The following ADK variants were observed in gnomAD, a reference collection of about 807,000 sequenced individuals.
ADK encodes the protein adenosine kinase.
Under a neutral mutation model 44.7 loss-of-function variants are expected in ADK, and 24 were observed. The observed-to-expected ratio is 0.54, with a 90% CI of 0.39 to 0.76. The LOEUF (loss-of-function observed/expected upper bound fraction) is 0.76. ADK is among the 30% of genes least tolerant of loss of function. The probability of loss-of-function intolerance (pLI) is 0.00; values close to 1 mark genes in which losing one functional copy is unlikely to be tolerated. For synonymous variants in ADK, 128 were observed against 142.6 expected, an observed-to-expected ratio of 0.90 and a Z score of 0.73; for missense variants, 321 against 425.1, an observed-to-expected ratio of 0.76 and a Z score of 2.15.
At chr10:74,507,564 G>A (rs565875164) in intron 6 of ADK, among the ~76,000 whole-genome samples, 1 of 151,980 alleles carries the variant, frequency 6.6e-6, no homozygotes, top group Admixed American at 6.6e-5. Context: ...GCAGTGAGCC[G>A]AGATCGTGCC....
chr10:74,306,108 A>G (rs1163702554), intron 3 of ADK, among the ~76,000 whole-genome samples: 2 of 151,178 alleles, frequency 1.3e-5, no homozygotes. Flanking sequence ...ATCTTTTAGT[A>G]TTGTCCTATA....
chr10:74,543,035 G>A (rs1849697778), intron 7 of ADK, among the ~76,000 whole-genome samples: 2 of 151,662 alleles, frequency 1.3e-5, no homozygotes, highest in South Asian at 4.2e-4. Context: ...CAAGTAGCTG[G>A]GACTACAGGT....
At chr10:74,637,932 C>T (rs1853673953) in intron 9 of ADK, among the ~76,000 whole-genome samples, 1 of 152,186 alleles carries the variant, frequency 6.6e-6, no homozygotes, top group Non-Finnish European at 1.5e-5. Flanking sequence ...TCCAGTTGTA[C>T]ACTTAAATAG....
intron 3 of ADK, among the ~76,000 whole-genome samples, chr10:74,247,724 A>C (rs1845476127): frequency 6.6e-6 from 1 of 152,154 alleles, no homozygotes; most frequent in East Asian, 1.9e-4. Context: ...AGAAAAAGGG[A>C]ATTGATATAT....
intron 3 of ADK, among the ~76,000 whole-genome samples, chr10:74,234,311 A>G (rs573406379): frequency 1.3e-5 from 2 of 152,336 alleles, no homozygotes; most frequent in Admixed American, 1.3e-4. Flanking sequence ...ATCTAATTTA[A>G]TCCCCACAGC....
intron 3 of ADK, among the ~76,000 whole-genome samples, chr10:74,266,426 G>A (rs945542703): frequency 1.7e-4 from 26 of 152,000 alleles, no homozygotes; most frequent in Admixed American, 9.2e-4. Flanking sequence ...GCGTGGTGGC[G>A]GGCACCTGTA....
intron 6 of ADK, among the ~76,000 whole-genome samples, chr10:74,503,518 A>C (rs1419315100): frequency 6.6e-6 from 1 of 152,190 alleles, no homozygotes; most frequent in African/African-American, 2.4e-5. Flanking sequence ...AAAGTGTTGC[A>C]GTAGGGTTTA....
chr10:74,160,875 A>T (rs1291324814), intron 1 of ADK, among the ~76,000 whole-genome samples: 2 of 152,098 alleles, frequency 1.3e-5, no homozygotes, highest in Non-Finnish European at 2.9e-5. Context: ...TTCCCTCAGC[A>T]AGAGAAAAAT....
chr10:74,294,935 A>G (rs960083289), intron 3 of ADK, among the ~76,000 whole-genome samples: 45 of 152,148 alleles, frequency 3.0e-4, no homozygotes, highest in African/African-American at 1.1e-3. Flanking sequence ...GGCTCACTGC[A>G]GCCTCCGCCT....
At chr10:74,401,961 C>A (rs1843730619) in intron 6 of ADK, among the ~76,000 whole-genome samples, 1 of 152,158 alleles carries the variant, frequency 6.6e-6, no homozygotes, top group African/African-American at 2.4e-5. Flanking sequence ...TCAGCATTTG[C>A]TTGTCTGTAA....
chr10:74,507,103 T>C (rs1319832280), intron 6 of ADK, among the ~76,000 whole-genome samples: 1 of 152,136 alleles, frequency 6.6e-6, no homozygotes, highest in Non-Finnish European at 1.5e-5. Flanking sequence ...AGCTAGTACT[T>C]ATTAAATTGT....
At chr10:74,292,880 A>G (rs761908960) in intron 3 of ADK, among the ~76,000 whole-genome samples, 5 of 152,138 alleles carry the variant, frequency 3.3e-5, no homozygotes, top group South Asian at 2.1e-4. Context: ...GCTGCCTTCA[A>G]TATCTTGTCA....
intron 3 of ADK, among the ~76,000 whole-genome samples, chr10:74,277,381 CTTTTG>C (rs560507426): frequency 5.7e-4 from 84 of 147,532 alleles, no homozygotes; most frequent in African/African-American, 1.8e-3. Context: ...TTTTAAATTT[CTTTTG>C]TTTTGTTTTG....
chr10:74,655,186 A>G (rs1854434502), intron 9 of ADK: 1 of 314,378 alleles, frequency 3.2e-6, no homozygotes. Flanking sequence ...GTAACCGTCA[A>G]GAAGGAGAAA....
intron 6 of ADK, among the ~76,000 whole-genome samples, chr10:74,479,208 G>A (rs1846973741): frequency 6.6e-6 from 1 of 150,578 alleles, no homozygotes; most frequent in South Asian, 2.1e-4. Flanking sequence ...CAGTTGCCCA[G>A]GCTGGTCTCA....
chr10:74,334,765 T>C (rs1564659519), intron 4 of ADK, among the ~76,000 whole-genome samples: 1 of 152,098 alleles, frequency 6.6e-6, no homozygotes, highest in Non-Finnish European at 1.5e-5. Flanking sequence ...GCAGGCTTCA[T>C]AGGGGGAGGG....
intron 2 of ADK, among the ~76,000 whole-genome samples, chr10:74,205,058 A>G (rs1843540266): frequency 6.6e-6 from 1 of 150,804 alleles, no homozygotes. Flanking sequence ...AAAAAAAAAA[A>G]AAAAAAAAAA....
intron 9 of ADK, among the ~76,000 whole-genome samples, chr10:74,666,830 C>CTTTTTTTTTTT (rs11317030): frequency 9.2e-6 from 1 of 109,050 alleles, no homozygotes; most frequent in African/African-American, 3.4e-5. Context: ...AGTTTTGTGA[C>CTTTTTTTTTTT]TTTTTTTTTT....
At chr10:74,640,504 A>G (rs4746211) in intron 9 of ADK, among the ~76,000 whole-genome samples, 2,668 of 152,290 alleles carry the variant, frequency 0.018, 70 homozygotes, top group African/African-American at 0.061. Context: ...CTGCTTTTTC[A>G]ATTCTCTGGG....
Sources: allele counts gnomAD v4.1 joint callset (sites outside exome capture counted in the v4.1 genomes callset), GRCh38; gene constraint gnomAD v4.1.1; transcripts MANE v1.5; gene names NCBI Gene and HGNC (gene_info 2026-07-23, HGNC 2026-07-21).